The following OPCML variants were observed in gnomAD, a reference collection of about 807,000 sequenced individuals.
OPCML encodes the protein opioid binding protein/cell adhesion molecule like.
OPCML carries 13 observed loss-of-function variants against 37.8 expected under a neutral mutation model. The observed-to-expected ratio is 0.34, with a 90% CI of 0.22 to 0.55. OPCML has a LOEUF of 0.55. Among genes scored for constraint, OPCML ranks in the 20% least tolerant of loss-of-function variants. The pLI is 0.91. For missense variants in OPCML, 341 were observed against 435.6 expected, an observed-to-expected ratio of 0.78 and a Z score of 1.93; for synonymous variants, 176 against 168.8, an observed-to-expected ratio of 1.04 and a Z score of -0.33.
At chr11:132,790,735 G>A (rs1937851029) in intron 2 of OPCML, among the ~76,000 whole-genome samples, 1 of 152,162 alleles carries the variant, frequency 6.6e-6, no homozygotes. Context: ...CATCTCTTCG[G>A]GTGGAGGCAC....
chr11:132,476,783 A>G (rs979028475), intron 4 of OPCML, among the ~76,000 whole-genome samples: 21 of 152,098 alleles, frequency 1.4e-4, no homozygotes, highest in Non-Finnish European at 2.9e-4. Context: ...TGGCACATGT[A>G]TACATATGTA....
intron 2 of OPCML, among the ~76,000 whole-genome samples, chr11:132,786,982 G>A (rs1018679073): frequency 6.6e-6 from 1 of 152,134 alleles, no homozygotes; most frequent in African/African-American, 2.4e-5. Context: ...CAAAGTCAGC[G>A]AGCATCAGCA....
intron 3 of OPCML, among the ~76,000 whole-genome samples, chr11:132,570,291 C>T (rs1369596416): frequency 6.6e-6 from 1 of 152,056 alleles, no homozygotes; most frequent in Non-Finnish European, 1.5e-5. Flanking sequence ...GCCTTTGAAG[C>T]CCAAAATATT....
chr11:132,712,721 C>A (rs1347748425), intron 2 of OPCML, among the ~76,000 whole-genome samples: 1 of 152,140 alleles, frequency 6.6e-6, no homozygotes, highest in Non-Finnish European at 1.5e-5. Context: ...GAAATCGGAC[C>A]CACCAAAAAG....
chr11:133,309,157 T>G (rs1195102247), intron 1 of OPCML, among the ~76,000 whole-genome samples: 2 of 152,154 alleles, frequency 1.3e-5, no homozygotes. Flanking sequence ...ACAAGATACA[T>G]TTCTCTCTAC....
Position 133,005,181 on chromosome 11 carries a change from C to T in OPCML, c.62-62171G>A, listed in dbSNP as rs540645048. ...TGACCCTCCACCCAATCTCTCTAGC[C>T]CGGGTTTTCAGCCATATCCCCACTG... On this transcript the variant is annotated intron_variant, in intron 1 of 7. Transcript: ENST00000524381. The T allele has an allele frequency of 9.1e-6, 9 of 985,372 alleles. No homozygotes were observed. In the East Asian group the frequency reaches 1.0e-3, roughly 112 times the overall value. The allele number at this position is 985,372 out of a possible 1,614,324, so 61.0% of individuals were successfully genotyped here.
chr11:132,846,483 G>T (rs907414032), intron 2 of OPCML, among the ~76,000 whole-genome samples: 1 of 152,158 alleles, frequency 6.6e-6, no homozygotes, highest in Non-Finnish European at 1.5e-5. Flanking sequence ...TAATGAAAAT[G>T]AGAAGAAATG....
At chr11:132,458,479 T>C (rs1565579466) in intron 4 of OPCML, among the ~76,000 whole-genome samples, 1 of 152,178 alleles carries the variant, frequency 6.6e-6, no homozygotes, top group Non-Finnish European at 1.5e-5. Context: ...GACAATAATA[T>C]AAAAGGAATA....
chr11:133,060,319 G>A (rs965390274), intron 1 of OPCML, among the ~76,000 whole-genome samples: 6 of 152,124 alleles, frequency 3.9e-5, no homozygotes, highest in African/African-American at 1.4e-4. Context: ...GAAGCTGTTA[G>A]AAGGGAATGA....
intron 1 of OPCML, among the ~76,000 whole-genome samples, chr11:133,530,250 C>T (rs547464794): frequency 6.0e-4 from 92 of 152,326 alleles, no homozygotes; most frequent in African/African-American, 2.0e-3. Context: ...TGCAGTGCCA[C>T]GGGACCCCTA....
intron 2 of OPCML, among the ~76,000 whole-genome samples, chr11:132,724,689 T>C (rs1262926775): frequency 1.3e-5 from 2 of 152,198 alleles, no homozygotes; most frequent in Non-Finnish European, 2.9e-5. Context: ...AAGTTCCTTC[T>C]GCCTACAAGC....
At chr11:133,213,797 T>C (rs1939471905) in intron 1 of OPCML, among the ~76,000 whole-genome samples, 1 of 152,210 alleles carries the variant, frequency 6.6e-6, no homozygotes, top group Non-Finnish European at 1.5e-5. Flanking sequence ...CTTACTATCA[T>C]GTTTATTGAT....
intron 1 of OPCML, among the ~76,000 whole-genome samples, chr11:133,169,881 T>G (rs1950263805): frequency 6.6e-6 from 1 of 152,228 alleles, no homozygotes; most frequent in African/African-American, 2.4e-5. Flanking sequence ...CAAGTAAACA[T>G]TTTAATAATA....
intron 2 of OPCML, among the ~76,000 whole-genome samples, chr11:132,784,946 T>A (rs1947158436): frequency 6.6e-6 from 1 of 152,194 alleles, no homozygotes; most frequent in Admixed American, 6.5e-5. Context: ...GTTAACTCAG[T>A]CTCAAGTATT....
chr11:132,612,124 A>G lies in OPCML; in HGVS notation c.379+44963T>C, dbSNP rs937489354. 5.3e-5 allele frequency among the ~76,000 whole-genome samples: 8 copies of G among 152,222 alleles called. 1 individual carries two copies. Among genetic ancestry groups the G allele is most frequent in the Admixed American group, 3.3e-4 (5 of 15,278 alleles). On this transcript the variant is annotated intron_variant, in intron 3 of 7. Transcript: ENST00000524381. ...TTTTCCAAAGGTTAAAGAAGAAATG[A>G]TTTGGGCTGATTTATATTTCATCAA...
At chr11:132,685,979 C>G (rs565819973) in intron 2 of OPCML, among the ~76,000 whole-genome samples, 1 of 152,278 alleles carries the variant, frequency 6.6e-6, no homozygotes, top group South Asian at 2.1e-4. Context: ...GTTCTGGTGG[C>G]ATTTATTTTG....
intron 1 of OPCML, among the ~76,000 whole-genome samples, chr11:133,011,594 T>A (rs1947214879): frequency 7.6e-6 from 1 of 132,372 alleles, no homozygotes; most frequent in South Asian, 2.7e-4. Context: ...GAACAGTGGT[T>A]TCTCTTTTTT....
intron 2 of OPCML, among the ~76,000 whole-genome samples, chr11:132,675,821 G>A (rs563807022): frequency 1.9e-4 from 29 of 152,204 alleles, no homozygotes; most frequent in South Asian, 1.9e-3. Flanking sequence ...AATGGCCAAC[G>A]CCCATGAATT....
At chr11:132,888,298 C>T (rs898921650) in intron 2 of OPCML, among the ~76,000 whole-genome samples, 1 of 152,092 alleles carries the variant, frequency 6.6e-6, no homozygotes, top group Non-Finnish European at 1.5e-5. Context: ...CCAGGCTGCA[C>T]GGCCTAGAAT....
Sources: gnomAD v4.1 joint callset for allele counts (sites outside exome capture counted in the v4.1 genomes callset) on GRCh38, gnomAD v4.1.1 for gene constraint, MANE v1.5 for transcripts, NCBI Gene and HGNC (gene_info 2026-07-23, HGNC 2026-07-21) for gene names.